The following LPCAT3 variants were observed in gnomAD, a reference collection of about 807,000 sequenced individuals.
The protein encoded by LPCAT3 is lysophosphatidylcholine acyltransferase 3.
A neutral mutation model predicts 63.4 loss-of-function variants in LPCAT3; 21 were observed. The ratio of observed to expected loss-of-function variants is 0.33; its 90% CI spans 0.23 to 0.48. The LOEUF (loss-of-function observed/expected upper bound fraction) is 0.48. Among genes scored for constraint, LPCAT3 ranks in the 20% least tolerant of loss-of-function variants. The pLI is 0.99. For synonymous variants in LPCAT3, 242 were observed against 227.5 expected (o/e 1.06, Z -0.58); for missense variants, 451 against 590.6 (o/e 0.76, Z 2.45).
intron 1 of LPCAT3, among the ~76,000 whole-genome samples, chr12:6,994,915 C>T (rs1013694675): frequency 6.6e-6 from 1 of 152,196 alleles, no homozygotes; most frequent in Non-Finnish European, 1.5e-5. Flanking sequence ...ATTCTTGCTA[C>T]ACTGCTTCTT....
At chr12:7,003,645 G>T (rs782049272) in intron 1 of LPCAT3, among the ~76,000 whole-genome samples, 8 of 152,062 alleles carry the variant, frequency 5.3e-5, no homozygotes, top group Non-Finnish European at 1.0e-4. Flanking sequence ...GGATGCGGCC[G>T]GGCGCGGTGG....
intron 1 of LPCAT3, among the ~76,000 whole-genome samples, chr12:7,003,030 CTAA>C (rs1565604836): frequency 6.6e-6 from 1 of 151,946 alleles, no homozygotes; most frequent in Non-Finnish European, 1.5e-5. Context: ...AAAAAAATTT[CTAA>C]TATTTATGGA....
At chr12:7,005,208 T>C (rs1555156789) in intron 1 of LPCAT3, among the ~76,000 whole-genome samples, 1 of 152,228 alleles carries the variant, frequency 6.6e-6, no homozygotes, top group Admixed American at 6.5e-5. Context: ...GCCATTTGTG[T>C]CTGGCTTGTT....
intron 1 of LPCAT3, among the ~76,000 whole-genome samples, chr12:6,985,612 G>A (rs1946516474): frequency 6.6e-6 from 1 of 151,646 alleles, no homozygotes; most frequent in Non-Finnish European, 1.5e-5. Context: ...CTACTCGGGA[G>A]GCTGAGGCAG....
chr12:7,014,751 C>T (rs1409392441), intron 1 of LPCAT3, among the ~76,000 whole-genome samples: 3 of 151,808 alleles, frequency 2.0e-5, no homozygotes, highest in East Asian at 1.9e-4. Context: ...AAAAATTAGC[C>T]GGGTATGATG....
At position 7,018,456 on chromosome 12, in the gene LPCAT3, A is replaced by C. The variant is rs1565608530; in HGVS notation, c.-32T>G. 3 of 1,544,984 alleles carry C rather than the reference A, an allele frequency of 1.9e-6. No individual in the cohort carries two copies. Among genetic ancestry groups the C allele is most frequent in the African/African-American group, 1.4e-5 (1 of 73,298 alleles). On this transcript the variant is annotated 5_prime_UTR_variant, in exon 1 of 13. Transcript: ENST00000261407. This position sits in a 1 kb window ranked among gnomAD's most constrained non-coding sequence, Gnocchi z 4.9. ...TCCGGGAGCCCCACAGGGACCCCCC[A>C]GCTCCGCGCGCCCCGAATGCGGGCA...
intron 1 of LPCAT3, among the ~76,000 whole-genome samples, chr12:7,006,451 T>C (rs138412163): frequency 0.012 from 1,860 of 152,302 alleles, 48 homozygotes; most frequent in African/African-American, 0.042. Context: ...ACTCCTGACC[T>C]CAAATGATCC....
Position 6,977,504 on chromosome 12 carries a change from T to G in LPCAT3, c.1210A>C (p.Ser404Arg). 6.2e-7 allele frequency: 1 copy of G among 1,614,094 alleles called. No individual in the cohort carries two copies. The highest frequency in any genetic ancestry group is 8.5e-7 in the Non-Finnish European group (1 of 1,180,010). ...GCGGCCAGCTTGCTCAGGGTGGGGC[T>G]CTCTTGAATGAGCCTGGCAGCCTGG... ...ERQAARLIQE[S>R]PTLSKLAAIT... The change falls in exon 11 of 13, where the codon AGC becomes CGC. Residue 404 changes from serine to arginine, a missense_variant. Ser to Arg is a moderately radical substitution (Grantham distance 110). Transcript: ENST00000261407. This position sits in a 1 kb window ranked among gnomAD's most constrained non-coding sequence, Gnocchi z 4.5.
chr12:7,003,378 CAT>C (rs1314881238), intron 1 of LPCAT3, among the ~76,000 whole-genome samples: 2 of 145,252 alleles, frequency 1.4e-5, no homozygotes, highest in Non-Finnish European at 3.0e-5. Flanking sequence ...TTTTTTTTAA[CAT>C]ATGTTTGATT....
intron 6 of LPCAT3, among the ~76,000 whole-genome samples, chr12:6,980,500 T>A (rs919312666): frequency 6.6e-6 from 1 of 152,016 alleles, no homozygotes; most frequent in Admixed American, 6.6e-5. Context: ...GGACTACAGA[T>A]GCATGCCACT....
In LPCAT3 at chr12:6,987,716, G is replaced by A. The variant is rs1045087076; in HGVS notation, c.152-4177C>T. 3 of 399,578 alleles carry A rather than the reference G, an allele frequency of 7.5e-6. No homozygotes were observed. Among genetic ancestry groups the A allele is most frequent in the East Asian group, 7.1e-5 (2 of 28,062 alleles). 24.8% of individuals were successfully genotyped at this position (399,578 alleles called of 1,614,324 possible). ...AAACCCTTAACCATTTGGAATGCTC[G>A]AAATTAAAAAACACCACACATATTA... is the stretch of plus-strand genomic sequence containing the variant. On this transcript the variant is annotated intron_variant, in intron 1 of 12. Coordinates refer to ENST00000261407, the MANE Select transcript of LPCAT3 (RefSeq NM_005768.6). This position sits in a 1 kb window ranked among gnomAD's most constrained non-coding sequence, Gnocchi z 4.1.
At chr12:7,011,328 G>A (rs1237726321) in intron 1 of LPCAT3, among the ~76,000 whole-genome samples, 1 of 152,146 alleles carries the variant, frequency 6.6e-6, no homozygotes, top group African/African-American at 2.4e-5. Flanking sequence ...AAGCCACCGT[G>A]CCTGACCTGG....
At chr12:6,997,855 G>T (rs782428400) in intron 1 of LPCAT3, among the ~76,000 whole-genome samples, 148 of 152,224 alleles carry the variant, frequency 9.7e-4, no homozygotes, top group Non-Finnish European at 1.5e-3. Flanking sequence ...CAAAGTGCTG[G>T]GATTACAGGC....
chr12:7,006,695 C>T (rs2138357442), intron 1 of LPCAT3, among the ~76,000 whole-genome samples: 1 of 152,212 alleles, frequency 6.6e-6, no homozygotes, highest in East Asian at 1.9e-4. Context: ...TGGTCAGGGC[C>T]CCATATGTTT....
intron 1 of LPCAT3, among the ~76,000 whole-genome samples, chr12:6,999,411 GGGTTA>G (rs1298007383): frequency 6.6e-6 from 1 of 152,180 alleles, no homozygotes; most frequent in Non-Finnish European, 1.5e-5. Flanking sequence ...GAAAGAAAAA[GGGTTA>G]GGTTAAGAAA....
intron 1 of LPCAT3, among the ~76,000 whole-genome samples, chr12:6,989,707 T>C (rs777122087): frequency 1.3e-5 from 2 of 152,192 alleles, no homozygotes; most frequent in Non-Finnish European, 2.9e-5. Context: ...ATTCAGTCTC[T>C]GGACTTCACT....
intron 1 of LPCAT3, among the ~76,000 whole-genome samples, chr12:7,001,848 G>A (rs1946689617): frequency 6.6e-6 from 1 of 152,068 alleles, no homozygotes; most frequent in Non-Finnish European, 1.5e-5. Flanking sequence ...CATGACATTG[G>A]AAAAGAAGGG....
rs375839002 is a variant in LPCAT3 at position 7,014,892 on chromosome 12, C to CAAAAAAA, written c.151+3375_151+3381dup. Among the ~76,000 whole-genome samples the CAAAAAAA allele has an allele frequency of 1.0e-3, 59 of 57,602 alleles. 2 individuals carry two copies. The highest frequency in any genetic ancestry group is 3.3e-3 in the African/African-American group (56 of 16,866). The allele number at this position is 57,602 out of a possible 152,430, so 37.8% of individuals were successfully genotyped here. ...TGGGTGACAGAGCGAGACTCCGTCT[C>CAAAAAAA]AAAAAAAAAAAAAAAAAAAAAATTG... On this transcript the variant is annotated intron_variant, in intron 1 of 12. Transcript: ENST00000261407.
intron 1 of LPCAT3, chr12:6,997,116 A>G (rs1946643239): frequency 6.6e-6 from 1 of 152,244 alleles, no homozygotes; most frequent in South Asian, 2.1e-4. Flanking sequence ...TTTTGCTGGC[A>G]TAGCTCCTAG....
Sources: allele counts gnomAD v4.1 joint callset (sites outside exome capture counted in the v4.1 genomes callset), GRCh38; gene constraint gnomAD v4.1.1; non-coding constraint Gnocchi (gnomAD v3.1); transcripts MANE v1.5; gene names NCBI Gene and HGNC (gene_info 2026-07-23, HGNC 2026-07-21).